Variants in MINK1 observed in about 807,000 individuals in gnomAD.
MINK1 encodes the protein misshapen-like kinase 1.
MINK1 carries 46 observed loss-of-function variants against 178.4 expected under a neutral mutation model. The ratio of observed to expected loss-of-function variants is 0.26; its 90% CI spans 0.20 to 0.33. The LOEUF (loss-of-function observed/expected upper bound fraction) is 0.33, where lower values mean the gene tolerates loss of function less well. MINK1 is among the 10% of genes least tolerant of loss of function. The pLI, the probability that MINK1 is intolerant of heterozygous loss-of-function variation, is 1.00. For missense variants in MINK1, 1,366 were observed against 1,814.9 expected (o/e 0.75, Z 4.49); for synonymous variants, 797 against 709.7 (o/e 1.12, Z -1.96).
At chr17:4,872,555 G>A (rs754336872) in intron 1 of MINK1, among the ~76,000 whole-genome samples, 6 of 152,026 alleles carry the variant, frequency 3.9e-5, no homozygotes, top group East Asian at 1.9e-4. Context: ...GGTGGATCAC[G>A]AGGTCAGGAG....
intron 2 of MINK1, among the ~76,000 whole-genome samples, chr17:4,880,067 A>G (rs1246904039): frequency 1.3e-5 from 2 of 152,144 alleles, no homozygotes; most frequent in Non-Finnish European, 2.9e-5. Flanking sequence ...TTCAGACTGT[A>G]GAAAGTCCAA....
At chr17:4,845,861 C>CA (rs1234145592) in intron 1 of MINK1, among the ~76,000 whole-genome samples, 1 of 152,162 alleles carries the variant, frequency 6.6e-6, no homozygotes, top group Non-Finnish European at 1.5e-5. Flanking sequence ...AGGCTGGTCT[C>CA]AAACTCCTGA....
intron 1 of MINK1, among the ~76,000 whole-genome samples, chr17:4,866,015 T>A (rs1429141082): frequency 6.6e-6 from 1 of 152,194 alleles, no homozygotes; most frequent in Non-Finnish European, 1.5e-5. Flanking sequence ...TGTGTGCCTC[T>A]CTCCTCAGAA....
chr17:4,884,845 A>C, intron 5 of MINK1, 67 bp from the exon 6 acceptor site: 1 of 1,392,720 alleles, frequency 7.2e-7, no homozygotes, highest in Non-Finnish European at 1.0e-6. Flanking sequence ...CCCTCAACTC[A>C]CTCCCCACTT....
In MINK1 at chr17:4,895,880, G is replaced by A; in HGVS notation, c.3364+48G>A. 6.3e-7 allele frequency: 1 copy of A among 1,599,748 alleles called. No individual in the cohort carries two copies. Among genetic ancestry groups the A allele is most frequent in the Middle Eastern group, 1.7e-4 (1 of 6,032 alleles). On this transcript the variant is annotated intron_variant, in intron 27 of 31. Transcript: ENST00000355280. The surrounding 1 kb of genome is among the most constrained non-coding windows in gnomAD (Gnocchi z 4.3). ...GCCAGCGCATACTTGTTCATGAAGA[G>A]AGAAATGGATCTGGGAGCCAGGGAC... is the stretch of plus-strand genomic sequence containing the variant.
chr17:4,839,532 C>T (rs1202415630), intron 1 of MINK1, among the ~76,000 whole-genome samples: 2 of 152,152 alleles, frequency 1.3e-5, no homozygotes, highest in African/African-American at 2.4e-5. Flanking sequence ...GATACAAAAA[C>T]GTGACTTGGT....
At chr17:4,844,458 A>G (rs1910705378) in intron 1 of MINK1, 2 of 456,860 alleles carry the variant, frequency 4.4e-6, no homozygotes, top group South Asian at 1.6e-5. Flanking sequence ...GACAGTCTGT[A>G]TGAGAGATAG....
At chr17:4,869,090 AT>A (rs1444653184) in intron 1 of MINK1, among the ~76,000 whole-genome samples, 1 of 150,492 alleles carries the variant, frequency 6.6e-6, no homozygotes, top group Non-Finnish European at 1.5e-5. Flanking sequence ...CGCCCGGCTA[AT>A]TTTTTTTTAT....
In MINK1 at chr17:4,894,471, A is replaced by G; in HGVS notation, c.2809-54A>G. The stretch of plus-strand genomic sequence containing the variant: ...GAGCCTGGGGAACAGCAGCAGGGGC[A>G]GGGCCGCAGCTGGACTTGCACTTGT... On this transcript the variant is annotated intron_variant, in intron 23 of 31. Transcript: ENST00000355280. This position sits in a 1 kb window ranked among gnomAD's most constrained non-coding sequence, Gnocchi z 4.1. 1.3e-6 allele frequency: 2 copies of G among 1,517,414 alleles called. No homozygotes were observed. Among genetic ancestry groups the G allele is most frequent in the Non-Finnish European group, 1.8e-6 (2 of 1,114,314 alleles). 94.0% of individuals were successfully genotyped at this position (1,517,414 alleles called of 1,614,324 possible).
intron 1 of MINK1, chr17:4,857,281 TGC>T (rs1913309270): frequency 4.9e-6 from 1 of 204,282 alleles, no homozygotes; most frequent in African/African-American, 2.4e-5. Context: ...TTCTTGGCCA[TGC>T]CACAGGCAGC....
In MINK1 at chr17:4,896,401, A is replaced by C; in HGVS notation, c.3616-28A>C. ...GGCCCAGTCTGGGCACCAGACACGG[A>C]GACTCTAGTCCCCCTCCTTCTCCCC... On this transcript the variant is annotated intron_variant, in intron 29 of 31. Transcript: ENST00000355280. This position sits in a 1 kb window ranked among gnomAD's most constrained non-coding sequence, Gnocchi z 4.6. 1.2e-6 allele frequency: 2 copies of C among 1,611,496 alleles called. No individual in the cohort carries two copies. The highest frequency in any genetic ancestry group is 1.7e-6 in the Non-Finnish European group (2 of 1,178,332).
intron 1 of MINK1, among the ~76,000 whole-genome samples, chr17:4,850,621 T>G (rs1317238863): frequency 6.7e-6 from 1 of 150,286 alleles, no homozygotes; most frequent in Non-Finnish European, 1.5e-5. Context: ...CCTTCAGAGC[T>G]TTCCTTCCTA....
At position 4,866,490 on chromosome 17, in the gene MINK1, C is replaced by A. The variant is rs372695152; in HGVS notation, c.58-11827C>A. On this transcript the variant is annotated intron_variant, in intron 1 of 31. Transcript: ENST00000355280. ...CAAAATTAAAAAAAAAAAAAAATTTCTATCTTACTGAAAGGGAACTTAGAG... is the reference window on the plus strand; with the variant it reads ...CAAAATTAAAAAAAAAAAAAAATTTATATCTTACTGAAAGGGAACTTAGAG... 1.3e-4 allele frequency among the ~76,000 whole-genome samples: 19 copies of A among 151,118 alleles called. No individual in the cohort carries two copies. In the East Asian group the frequency reaches 2.5e-3, roughly 20 times the overall value.
chr17:4,888,418 G>A (rs1044772111), intron 12 of MINK1, among the ~76,000 whole-genome samples: 5 of 151,014 alleles, frequency 3.3e-5, no homozygotes, highest in East Asian at 2.0e-4. Flanking sequence ...GGGGCGGATC[G>A]TGAGATCAGG....
chr17:4,882,064 C>T (rs1967752081), intron 4 of MINK1, among the ~76,000 whole-genome samples: 1 of 152,242 alleles, frequency 6.6e-6, no homozygotes, highest in Non-Finnish European at 1.5e-5. Context: ...TGGGAACACA[C>T]ACACTCATGC....
At chr17:4,889,532 G>C (rs2151031811) in intron 12 of MINK1, 115 bp from the exon 13 acceptor site, 2 of 912,300 alleles carry the variant, frequency 2.2e-6, no homozygotes, top group African/African-American at 3.3e-5. Flanking sequence ...GCGGAAGCCG[G>C]TCTCTCTTAC....
chr17:4,896,425 C>A lies in MINK1; in HGVS notation c.3616-4C>A. 1.2e-6 allele frequency: 2 copies of A among 1,613,738 alleles called. No individual in the cohort carries two copies. The highest frequency in any genetic ancestry group is 8.5e-7 in the Non-Finnish European group (1 of 1,179,720). On this transcript the variant is annotated splice_region_variant and splice_polypyrimidine_tract_variant and intron_variant, in intron 29 of 31. Coordinates refer to ENST00000355280, the MANE Select transcript of MINK1 (RefSeq NM_153827.5). The surrounding 1 kb of genome is among the most constrained non-coding windows in gnomAD (Gnocchi z 4.6). ...GAGACTCTAGTCCCCCTCCTTCTCC[C>A]CAGATCCAGAGCCAGATCACGCCCC... is the stretch of plus-strand genomic sequence containing the variant.
chr17:4,874,608 C>T (rs1437461438), intron 1 of MINK1, among the ~76,000 whole-genome samples: 2 of 151,898 alleles, frequency 1.3e-5, no homozygotes, highest in Admixed American at 6.6e-5. Context: ...AGGGTGGCTG[C>T]GATACAGGAA....
At chr17:4,848,370 G>A (rs1001500523) in intron 1 of MINK1, among the ~76,000 whole-genome samples, 3 of 152,116 alleles carry the variant, frequency 2.0e-5, no homozygotes, top group African/African-American at 7.2e-5. Flanking sequence ...GTGTTTGGGG[G>A]TATTTTTTGA....
Sources: gnomAD v4.1 joint callset for allele counts (sites outside exome capture counted in the v4.1 genomes callset) on GRCh38, gnomAD v4.1.1 for gene constraint, Gnocchi (gnomAD v3.1) non-coding constraint, MANE v1.5 for transcripts, NCBI Gene and HGNC (gene_info 2026-07-23, HGNC 2026-07-21) for gene names.